Variants in CPA6 observed in about 807,000 individuals in gnomAD.
CPA6 encodes carboxypeptidase A6, also known as carboxypeptidase B.
A neutral mutation model predicts 63.3 loss-of-function variants in CPA6; 58 were observed. The observed-to-expected ratio is 0.92, with a 90% CI of 0.74 to 1.14. CPA6 has a LOEUF of 1.14. Ranked by LOEUF, CPA6 falls within the 50% of genes most tolerant of loss-of-function variation. The pLI is 0.00. For synonymous variants in CPA6, 185 were observed against 179.0 expected (o/e 1.03, Z -0.27); for missense variants, 565 against 526.6 (o/e 1.07, Z -0.71).
chr8:67,575,430 A>G (rs979254130), intron 2 of CPA6, among the ~76,000 whole-genome samples: 1 of 152,262 alleles, frequency 6.6e-6, no homozygotes, highest in Non-Finnish European at 1.5e-5. Context: ...AGACATGTCT[A>G]CACTCCTATT....
intron 8 of CPA6, among the ~76,000 whole-genome samples, chr8:67,439,374 G>T (rs763931364): frequency 6.6e-6 from 1 of 152,092 alleles, no homozygotes. Flanking sequence ...ATCACTTGAG[G>T]TAAGGAGTTT....
chr8:67,718,285 A>G (rs570727455), intron 1 of CPA6, among the ~76,000 whole-genome samples: 9 of 151,346 alleles, frequency 5.9e-5, no homozygotes, highest in Non-Finnish European at 1.2e-4. Flanking sequence ...ATTGTGAGGT[A>G]TTTTTTTTTA....
intron 2 of CPA6, among the ~76,000 whole-genome samples, chr8:67,555,849 A>G (rs1813048128): frequency 6.6e-6 from 1 of 152,242 alleles, no homozygotes. Flanking sequence ...GGTGTCAGGA[A>G]AAACCATACG....
At chr8:67,619,252 A>G (rs1166635561) in intron 2 of CPA6, among the ~76,000 whole-genome samples, 9 of 152,230 alleles carry the variant, frequency 5.9e-5, no homozygotes, top group Non-Finnish European at 1.0e-4. Flanking sequence ...TGAATCTGAG[A>G]GCCAAAGGCC....
chr8:67,581,307 T>G (rs892451961), intron 2 of CPA6, among the ~76,000 whole-genome samples: 7 of 152,200 alleles, frequency 4.6e-5, no homozygotes, highest in African/African-American at 1.7e-4. Context: ...TACTATGTAC[T>G]GTTAAGCATT....
chr8:67,484,376 T>G (rs1811429750), intron 7 of CPA6, among the ~76,000 whole-genome samples: 1 of 152,198 alleles, frequency 6.6e-6, no homozygotes, highest in Admixed American at 6.5e-5. Context: ...CCGGCCTTTT[T>G]GCCTTCTCTT....
chr8:67,552,774 C>CAA lies in CPA6; in HGVS notation c.193-34729_193-34728dup, dbSNP rs762395117. ...CCTGGGTGACAGAGCAAGACTGTCTCAAAAAAAAAAAAAAAAAAAAAAAAA... is the reference window on the plus strand; with the variant it reads ...CCTGGGTGACAGAGCAAGACTGTCTCAAAAAAAAAAAAAAAAAAAAAAAAAAA... On this transcript the variant is annotated intron_variant, in intron 2 of 10. Transcript: ENST00000297770. Among the ~76,000 whole-genome samples, 170 of 20,924 alleles carry CAA rather than the reference C, an allele frequency of 8.1e-3. 28 individuals are homozygous for CAA. Among genetic ancestry groups the CAA allele is most frequent in the African/African-American group, 0.022 (140 of 6,400 alleles). The allele number at this position is 20,924 out of a possible 152,430, so 13.7% of individuals were successfully genotyped here.
chr8:67,741,707 T>C (rs1252073813), intron 1 of CPA6, among the ~76,000 whole-genome samples: 1 of 152,216 alleles, frequency 6.6e-6, no homozygotes, highest in Admixed American at 6.5e-5. Flanking sequence ...GATACGTCAC[T>C]GTTTCCCGTC....
intron 2 of CPA6, among the ~76,000 whole-genome samples, chr8:67,560,854 A>G (rs1813193159): frequency 6.6e-6 from 1 of 151,952 alleles, no homozygotes; most frequent in Non-Finnish European, 1.5e-5. Flanking sequence ...CCCCATCCCT[A>G]TTTCTGTTTA....
At chr8:67,432,259 C>T (rs1810043877) in intron 9 of CPA6, among the ~76,000 whole-genome samples, 1 of 152,150 alleles carries the variant, frequency 6.6e-6, no homozygotes, top group Non-Finnish European at 1.5e-5. Flanking sequence ...ACTCCAATGG[C>T]TAATGATTTA....
chr8:67,616,870 C>A (rs966420587), intron 2 of CPA6, among the ~76,000 whole-genome samples: 6 of 152,108 alleles, frequency 3.9e-5, no homozygotes, highest in Non-Finnish European at 7.3e-5. Flanking sequence ...AGCCTGCCAA[C>A]CACTAGACAT....
chr8:67,638,498 C>T (rs1815519808), intron 1 of CPA6, among the ~76,000 whole-genome samples: 1 of 151,518 alleles, frequency 6.6e-6, no homozygotes, highest in Non-Finnish European at 1.5e-5. Context: ...CCCTGCAGTC[C>T]TCACTGTGAT....
At chr8:67,737,187 C>T (rs184570768) in intron 1 of CPA6, among the ~76,000 whole-genome samples, 17 of 152,314 alleles carry the variant, frequency 1.1e-4, no homozygotes, top group African/African-American at 4.1e-4. Flanking sequence ...ACCTCTGCAG[C>T]CTTCCCTCCC....
chr8:67,463,478 ATAAATAAAAG>A (rs1417792540), intron 8 of CPA6, among the ~76,000 whole-genome samples: 11 of 117,466 alleles, frequency 9.4e-5, no homozygotes, highest in African/African-American at 4.6e-4. Flanking sequence ...AAATAAATAG[ATAAATAAAAG>A]AAGAATTCTA....
Position 67,471,214 on chromosome 8 carries a change from T to C in CPA6, c.838+12554A>G, listed in dbSNP as rs139721522. The stretch of plus-strand genomic sequence containing the variant: ...CTGTTCCTTCTGTGTGCACTGTCTT[T>C]CCCTAGACTTCCTCCCCTCCCAAGC... On this transcript the variant is annotated intron_variant, in intron 8 of 10. Transcript: ENST00000297770. Among the ~76,000 whole-genome samples, 791 of 152,250 alleles carry C rather than the reference T, an allele frequency of 5.2e-3. 6 individuals are homozygous for C. The highest frequency in any genetic ancestry group is 0.018 in the African/African-American group (738 of 41,550).
chr8:67,499,009 G>A (rs1012652113), intron 6 of CPA6, among the ~76,000 whole-genome samples: 4 of 152,140 alleles, frequency 2.6e-5, no homozygotes, highest in African/African-American at 9.7e-5. Context: ...TCAATTATTT[G>A]TTGAGATAAT....
At chr8:67,533,704 T>C (rs1157351423) in intron 2 of CPA6, among the ~76,000 whole-genome samples, 1 of 152,244 alleles carries the variant, frequency 6.6e-6, no homozygotes, top group Non-Finnish European at 1.5e-5. Flanking sequence ...GCATTCTTCA[T>C]GGCAAACAAA....
intron 8 of CPA6, chr8:67,452,224 A>C (rs1243623517): frequency 1.3e-5 from 2 of 152,236 alleles, no homozygotes; most frequent in East Asian, 1.9e-4. Flanking sequence ...GGCCACAAAA[A>C]GGACAGGCTG....
intron 2 of CPA6, among the ~76,000 whole-genome samples, chr8:67,595,926 A>G (rs1197563741): frequency 6.6e-6 from 1 of 152,176 alleles, no homozygotes; most frequent in African/African-American, 2.4e-5. Flanking sequence ...CCCCAGTGAG[A>G]TGAACCCAGT....
Sources: allele counts gnomAD v4.1 joint callset (sites outside exome capture counted in the v4.1 genomes callset), GRCh38; gene constraint gnomAD v4.1.1; transcripts MANE v1.5; gene names NCBI Gene and HGNC (gene_info 2026-07-23, HGNC 2026-07-21).